Variants in RPN1 observed in about 807,000 individuals in gnomAD.
RPN1 encodes the protein ribophorin I.
RPN1 carries 12 observed loss-of-function variants against 55.5 expected under a neutral mutation model. That is an observed-to-expected ratio of 0.22 (90% CI 0.14 to 0.35). RPN1 has a LOEUF of 0.35. Ranked by LOEUF, RPN1 falls within the 10% of genes least tolerant of loss-of-function variation. RPN1 has a pLI of 1.00. For missense variants in RPN1, 679 were observed against 761.3 expected (o/e 0.89, Z 1.27); for synonymous variants, 317 against 305.9 (o/e 1.04, Z -0.38).
At chr3:128,647,567 A>G (rs2107723032) in intron 1 of RPN1, among the ~76,000 whole-genome samples, 1 of 151,916 alleles carries the variant, frequency 6.6e-6, no homozygotes, top group East Asian at 1.9e-4. Context: ...TGGTGCGCAC[A>G]TGTAGTCCTA....
intron 3 of RPN1, among the ~76,000 whole-genome samples, 183 bp downstream of exon 3, chr3:128,637,616 C>G (rs1420833292): frequency 6.6e-6 from 1 of 152,138 alleles, no homozygotes; most frequent in Non-Finnish European, 1.5e-5. Flanking sequence ...TACCTGTGAT[C>G]CCCCAAGGAG....
chr3:128,650,484 A>T, intron 1 of RPN1, 56 bp downstream of exon 1: 2 of 1,474,468 alleles, frequency 1.4e-6, no homozygotes, highest in Non-Finnish European at 1.8e-6. Context: ...GGGGACCGCC[A>T]GGAAGGGAGG....
chr3:128,643,497 T>C (rs1173095871), intron 2 of RPN1, among the ~76,000 whole-genome samples: 4 of 151,572 alleles, frequency 2.6e-5, no homozygotes, highest in Admixed American at 6.6e-5. Context: ...AACCCGTCTC[T>C]ACTAAAAACA....
intron 1 of RPN1, among the ~76,000 whole-genome samples, chr3:128,647,080 T>G (rs540328459): frequency 6.6e-6 from 1 of 151,794 alleles, no homozygotes; most frequent in Admixed American, 6.6e-5. Flanking sequence ...AGGAAAAGGA[T>G]GTTCACTCCA....
At chr3:128,639,983 C>CCAA (rs1486434123) in intron 2 of RPN1, among the ~76,000 whole-genome samples, 1 of 152,146 alleles carries the variant, frequency 6.6e-6, no homozygotes, top group African/African-American at 2.4e-5. Flanking sequence ...ACCAGCCTTA[C>CCAA]CAACAAGGTG....
rs540024760 is a variant in RPN1, at chr3:128,622,141, A to T, written c.1641+23T>A. 1.2e-5 allele frequency: 20 copies of T among 1,612,256 alleles called. 1 individual carries two copies. The South Asian group carries it at 2.1e-4, about 17-fold the overall frequency. ...GGCATGGAGGGCCCCAAGCCAAGCA[A>T]CTCTGTGACGCCCGACACTTACTCT... On this transcript the variant is annotated intron_variant, in intron 9 of 9. Coordinates refer to ENST00000296255, the MANE Select transcript of RPN1 (RefSeq NM_002950.4).
At position 128,620,361 on chromosome 3, in the gene RPN1, C is replaced by A; in HGVS notation, c.*50G>T. 2 of 1,549,230 alleles carry A rather than the reference C, an allele frequency of 1.3e-6. No homozygotes were observed. Among genetic ancestry groups the A allele is most frequent in the South Asian group, 1.2e-5 (1 of 82,960 alleles). ...CTCCCACTACCACCCAATCTGCCTG[C>A]CACAGCAAAGTGCAGGCACCCTGGG... On this transcript the variant is annotated 3_prime_UTR_variant, in exon 10 of 10. Coordinates refer to ENST00000296255, the MANE Select transcript of RPN1 (RefSeq NM_002950.4).
rs377625300 is a variant in RPN1 at position 128,625,579 on chromosome 3, G to C, written c.1350C>G (p.Phe450Leu). The C allele has an allele frequency of 3.1e-6, 5 of 1,614,002 alleles. No individual in the cohort carries two copies. In the African/African-American group the frequency reaches 6.7e-5, roughly 22 times the overall value. The change falls in exon 8 of 10, where the codon TTC (phenylalanine) becomes TTG (leucine). Residue 450 changes from phenylalanine to leucine, a missense_variant. By Grantham distance (22) the Phe-to-Leu change is conservative. This residue lies in a region of RPN1 where 306 missense variants were observed against 360.0 expected (regional missense o/e 0.85). Coordinates refer to ENST00000296255, the MANE Select transcript of RPN1 (RefSeq NM_002950.4). ...GCCGAACATAGATGATAACGGTGAA[G>C]AACAGGATGTAGAAGGCCGCCACCA... is the stretch of plus-strand genomic sequence containing the variant. ...LLVVAAFYIL[F>L]FTVIIYVRLD...
intron 1 of RPN1, among the ~76,000 whole-genome samples, chr3:128,645,543 G>C (rs1042947197): frequency 6.6e-6 from 1 of 152,140 alleles, no homozygotes; most frequent in Non-Finnish European, 1.5e-5. Context: ...ACACAGCTGG[G>C]TGTGGTAGCT....
At chr3:128,640,503 A>G (rs1191787406) in intron 2 of RPN1, among the ~76,000 whole-genome samples, 1 of 152,198 alleles carries the variant, frequency 6.6e-6, no homozygotes, top group Non-Finnish European at 1.5e-5. Flanking sequence ...TCTTAGTTTC[A>G]AGTCCCAAAT....
chr3:128,620,587 C>T lies in RPN1; in HGVS notation c.1648G>A (p.Glu550Lys). The change falls in exon 10 of 10, where the codon GAA becomes AAA. Residue 550 changes from glutamate to lysine, a missense_variant. Glu to Lys is a moderately conservative substitution (Grantham distance 56). Around this residue, in one of 3 missense-constraint regions of RPN1, gnomAD observed 306 missense variants for 360.0 expected, o/e 0.85. Coordinates refer to ENST00000296255, the MANE Select transcript of RPN1 (RefSeq NM_002950.4). ...ACCTGTGCATCCAGCTTCTGCATTT[C>T]GCTCACCTGGCCGAGGCAAGAGCAG... is the stretch of plus-strand genomic sequence containing the variant. ...EGSDLCDRVS[E>K]MQKLDAQVKE... 3.1e-6 allele frequency: 5 copies of T among 1,613,158 alleles called. No individual in the cohort carries two copies. Among genetic ancestry groups the T allele is most frequent in the Non-Finnish European group, 4.2e-6 (5 of 1,179,456 alleles).
chr3:128,637,672 T>C (rs1576797000), intron 3 of RPN1, 127 bp downstream of exon 3: 2 of 944,170 alleles, frequency 2.1e-6, no homozygotes, highest in Non-Finnish European at 3.2e-6. Flanking sequence ...TAAACACTTT[T>C]GGGATGACCT....
At chr3:128,627,166 A>G (rs1251452131) in intron 5 of RPN1, 1 of 310,528 alleles carries the variant, frequency 3.2e-6, no homozygotes, top group Non-Finnish European at 6.3e-6. Context: ...AGAGCACAGC[A>G]GGCCAGTGTG....
chr3:128,649,511 C>A (rs1030428933), intron 1 of RPN1, among the ~76,000 whole-genome samples: 4 of 152,214 alleles, frequency 2.6e-5, no homozygotes, highest in Non-Finnish European at 5.9e-5. Flanking sequence ...GAAACGTAAT[C>A]TCTATAAACC....
At chr3:128,638,391 A>C (rs2069697283) in intron 2 of RPN1, among the ~76,000 whole-genome samples, 1 of 152,124 alleles carries the variant, frequency 6.6e-6, no homozygotes, top group South Asian at 2.1e-4. Flanking sequence ...CTTTTGTTCC[A>C]TTGTTGAACA....
intron 3 of RPN1, among the ~76,000 whole-genome samples, chr3:128,632,433 A>AT: frequency 1.3e-5 from 2 of 152,346 alleles, no homozygotes; most frequent in Middle Eastern, 3.4e-3. Flanking sequence ...AGAGTTCTAA[A>AT]TAAGTGCATT....
Position 128,626,350 on chromosome 3 carries a change from T to G in RPN1, c.1137-338A>C, listed in dbSNP as rs114632663. ...CTACCCAGTGAATCCCTGGGAGGCTTGAACAGATGCCTCACGAGCTGTTCT... is the reference window on the plus strand; with the variant it reads ...CTACCCAGTGAATCCCTGGGAGGCTGGAACAGATGCCTCACGAGCTGTTCT... On this transcript the variant is annotated intron_variant, in intron 6 of 9. Coordinates refer to ENST00000296255, the MANE Select transcript of RPN1 (RefSeq NM_002950.4). 4.6e-3 allele frequency among the ~76,000 whole-genome samples: 705 copies of G among 152,312 alleles called. 7 individuals are homozygous for G. The highest frequency in any genetic ancestry group is 0.016 in the African/African-American group (681 of 41,572).
intron 9 of RPN1, 84 bp downstream of exon 9, chr3:128,622,080 A>T: frequency 7.4e-7 from 1 of 1,343,984 alleles, no homozygotes; most frequent in Non-Finnish European, 1.0e-6. Flanking sequence ...GGTAAGCAAG[A>T]GAGCTGCCCA....
intron 3 of RPN1, among the ~76,000 whole-genome samples, chr3:128,633,239 TA>T (rs201381593): frequency 3.1e-4 from 47 of 150,788 alleles, no homozygotes; most frequent in Middle Eastern, 3.4e-3. Flanking sequence ...TTTTTTTTTT[TA>T]AATTATAAAC....
Sources: gnomAD v4.1 joint callset for allele counts (sites outside exome capture counted in the v4.1 genomes callset) on GRCh38, gnomAD v4.1.1 for gene constraint, gnomAD v4.1.1 regional missense constraint, MANE v1.5 for transcripts, NCBI Gene and HGNC (gene_info 2026-07-23, HGNC 2026-07-21) for gene names.